EML5: variants seen among roughly 807,000 people sequenced by gnomAD.
The protein encoded by EML5 is echinoderm microtubule-associated protein-like 5.
Under a neutral mutation model 250.0 loss-of-function variants are expected in EML5, and 120 were observed. The observed-to-expected ratio is 0.48, with a 90% CI of 0.41 to 0.56. EML5 has a LOEUF of 0.56. EML5 is among the 20% of genes least tolerant of loss of function. The pLI is 0.00. For missense variants in EML5, 2,006 were observed against 2,437.6 expected, an observed-to-expected ratio of 0.82 and a Z score of 3.73; for synonymous variants, 771 against 806.5, an observed-to-expected ratio of 0.96 and a Z score of 0.75.
intron 21 of EML5, among the ~76,000 whole-genome samples, chr14:88,668,226 C>T (rs778148260): frequency 6.6e-6 from 1 of 152,186 alleles, no homozygotes; most frequent in Non-Finnish European, 1.5e-5. Context: ...GTAGTCTCAT[C>T]TTCTGACTGG....
chr14:88,659,099 T>C (rs1010259737), intron 25 of EML5, among the ~76,000 whole-genome samples: 6 of 152,312 alleles, frequency 3.9e-5, no homozygotes, highest in Middle Eastern at 6.8e-3. Context: ...GTATTAGCAT[T>C]ACCAAGTTAC....
At position 88,616,169 on chromosome 14, in the gene EML5, A is replaced by T; in HGVS notation, c.5870T>A (p.Val1957Asp). Residue 1957 changes from valine to aspartate, a missense_variant, in exon 43 of 44, where the codon GTT (valine) becomes GAT (aspartate). By Grantham distance (152) the Val-to-Asp change is radical (BLOSUM62 -3). This residue lies in a region of EML5 where 56 missense variants were observed against 55.1 expected (regional missense o/e 1.02). Coordinates refer to ENST00000554922, the MANE Select transcript of EML5 (RefSeq NM_183387.3). ...NIRFTSGDRH[V>D]VSAGGDDCSL... ...GCAGTCATCACCTCCAGCACTAACA[A>T]CATGTCGATCACCACTGGTAAATCG... The T allele has an allele frequency of 1.2e-6, 2 of 1,613,934 alleles. No homozygotes were observed. The highest frequency in any genetic ancestry group is 1.1e-5 in the South Asian group (1 of 91,080).
intron 1 of EML5, among the ~76,000 whole-genome samples, chr14:88,774,365 T>C (rs956347188): frequency 6.6e-6 from 1 of 152,150 alleles, no homozygotes; most frequent in Non-Finnish European, 1.5e-5. Context: ...CTGGAACAAA[T>C]CTGTTTTTAA....
At chr14:88,668,592 C>T (rs577989391) in intron 21 of EML5, among the ~76,000 whole-genome samples, 1 of 152,142 alleles carries the variant, frequency 6.6e-6, no homozygotes, top group South Asian at 2.1e-4. Flanking sequence ...TGTGAACACA[C>T]AGAGAAGGGC....
chr14:88,776,296 C>T (rs184374464), intron 1 of EML5, among the ~76,000 whole-genome samples: 8 of 152,196 alleles, frequency 5.3e-5, no homozygotes, highest in Admixed American at 4.6e-4. Context: ...CCTGGAGGAA[C>T]AGAGAGATGT....
At chr14:88,665,590 G>GT in intron 21 of EML5, 101 bp from the exon 22 acceptor site, 1 of 1,498,046 alleles carries the variant, frequency 6.7e-7, no homozygotes, top group Non-Finnish European at 9.0e-7. Context: ...ACTCTGGGGA[G>GT]CTGAGGCAGG....
At position 88,702,563 on chromosome 14, in the gene EML5, T is replaced by A; in HGVS notation, c.2121A>T (p.Ala707=). The change falls in exon 14 of 44, where the codon GCA becomes GCT. Residue 707 remains alanine (A), a synonymous_variant. Coordinates refer to ENST00000554922, the MANE Select transcript of EML5 (RefSeq NM_183387.3). The part of the protein sequence containing the change: ...TQIGEIVYHV[A]AVGVIYNRQQ... ...GTCGATTATAAATGACACCCACTGC[T>A]GCCACATGGTACACAATTTCACCAA... The A allele has an allele frequency of 6.2e-7, 1 of 1,612,992 alleles. No homozygotes were observed. The highest frequency in any genetic ancestry group is 8.5e-7 in the Non-Finnish European group (1 of 1,179,412).
intron 33 of EML5, among the ~76,000 whole-genome samples, chr14:88,628,298 C>A (rs2090176503): frequency 6.6e-6 from 1 of 151,956 alleles, no homozygotes; most frequent in South Asian, 2.1e-4. Flanking sequence ...CTGAATAGAT[C>A]TCAAAAGAAA....
At chr14:88,710,259 G>A (rs1284977787) in intron 10 of EML5, among the ~76,000 whole-genome samples, 1 of 152,188 alleles carries the variant, frequency 6.6e-6, no homozygotes, top group Non-Finnish European at 1.5e-5. Flanking sequence ...AGTATGTAGG[G>A]TATATGTGGT....
chr14:88,711,537 T>G (rs902445589), intron 10 of EML5, among the ~76,000 whole-genome samples: 1 of 151,570 alleles, frequency 6.6e-6, no homozygotes, highest in African/African-American at 2.4e-5. Flanking sequence ...GAGAATTCAC[T>G]CACTATCACA....
intron 34 of EML5, 134 bp downstream of exon 34, chr14:88,627,512 T>C (rs903308190): frequency 1.3e-6 from 1 of 793,198 alleles, no homozygotes; most frequent in Admixed American, 3.2e-5. Context: ...AGTACCACTG[T>C]GTACAGTATA....
intron 36 of EML5, chr14:88,624,064 AC>A (rs1476452321): frequency 2.0e-5 from 3 of 152,082 alleles, no homozygotes; most frequent in Admixed American, 6.6e-5. Flanking sequence ...ACTATATGTC[AC>A]ATTTTTTTTT....
intron 1 of EML5, among the ~76,000 whole-genome samples, chr14:88,757,611 C>A (rs1299254540): frequency 6.6e-6 from 1 of 151,972 alleles, no homozygotes; most frequent in Non-Finnish European, 1.5e-5. Flanking sequence ...AGAATTCCTA[C>A]AAATCAACAA....
At chr14:88,785,872 C>T (rs542364603) in intron 1 of EML5, among the ~76,000 whole-genome samples, 10 of 152,142 alleles carry the variant, frequency 6.6e-5, no homozygotes, top group East Asian at 3.9e-4. Flanking sequence ...TTTGTTAAAC[C>T]GTAAGTCAAA....
At chr14:88,685,182 T>C (rs1374452948) in intron 19 of EML5, 40 bp from the exon 20 acceptor site, 3 of 1,546,464 alleles carry the variant, frequency 1.9e-6, no homozygotes, top group Non-Finnish European at 2.6e-6. Flanking sequence ...GACATACAGT[T>C]ACTATAATAC....
chr14:88,764,527 C>T (rs1236492181), intron 1 of EML5, among the ~76,000 whole-genome samples: 2 of 152,240 alleles, frequency 1.3e-5, no homozygotes, highest in East Asian at 3.9e-4. Context: ...GTTTATCAAT[C>T]TGATCCTTTT....
At chr14:88,652,060 T>A (rs2091653836) in intron 27 of EML5, among the ~76,000 whole-genome samples, 1 of 152,184 alleles carries the variant, frequency 6.6e-6, no homozygotes, top group Non-Finnish European at 1.5e-5. Context: ...GACTCCAGAA[T>A]TCATGTCCTT....
intron 7 of EML5, among the ~76,000 whole-genome samples, chr14:88,728,850 A>G (rs1461026163): frequency 6.6e-6 from 1 of 152,210 alleles, no homozygotes; most frequent in African/African-American, 2.4e-5. Context: ...AGCAAGGAAT[A>G]ACTACATTAT....
At position 88,792,419 on chromosome 14, in the gene EML5, A is replaced by G. The variant is rs1221502971; in HGVS notation, c.85T>C (p.Tyr29His). The change falls in exon 1 of 44, where the codon TAC (tyrosine) becomes CAC (histidine). Residue 29 changes from tyrosine (Y) to histidine (H), a missense_variant. By Grantham distance (83) the Tyr-to-His change is moderately conservative. Transcript: ENST00000554922. This position sits in a 1 kb window ranked among gnomAD's most constrained non-coding sequence, Gnocchi z 6.9. ...ACGATCTCCTTGGCCGCAGTGTAGT[A>G]GAGGTTGTTGCGGCACTGGTGGCCC... Reference protein sequence around the residue: ...YRGHQCRNNLYYTAAKEIVYF... With the variant: ...YRGHQCRNNLHYTAAKEIVYF... 6.4e-7 allele frequency: 1 copy of G among 1,554,770 alleles called. No homozygotes were observed. Among genetic ancestry groups the G allele is most frequent in the Admixed American group, 1.9e-5 (1 of 51,916 alleles).
Sources: allele counts gnomAD v4.1 joint callset (sites outside exome capture counted in the v4.1 genomes callset), GRCh38; gene constraint gnomAD v4.1.1; regional missense constraint gnomAD v4.1.1; non-coding constraint Gnocchi (gnomAD v3.1); transcripts MANE v1.5; gene names NCBI Gene and HGNC (gene_info 2026-07-23, HGNC 2026-07-21).